The following FSHR variants were observed in gnomAD, a reference collection of about 807,000 sequenced individuals.
FSHR encodes follicle stimulating hormone receptor.
Under a neutral mutation model 52.1 loss-of-function variants are expected in FSHR, and 46 were observed. The observed-to-expected ratio is 0.88, with a 90% confidence interval of 0.70 to 1.13. The LOEUF is 1.13. Ranked by LOEUF, FSHR falls within the 50% of genes most tolerant of loss-of-function variation. The pLI, the probability that FSHR is intolerant of heterozygous loss-of-function variation, is 0.00. For synonymous variants in FSHR, 399 were observed against 309.6 expected (o/e 1.29, Z -3.03); for missense variants, 964 against 834.6 (o/e 1.16, Z -1.91).
chr2:49,068,567 C>G (rs200656126), intron 1 of FSHR, among the ~76,000 whole-genome samples: 1 of 152,028 alleles, frequency 6.6e-6, no homozygotes, highest in Non-Finnish European at 1.5e-5. Flanking sequence ...GAATATGAAC[C>G]TTGCTTGTTC....
Position 49,021,589 on chromosome 2 carries a change from GT to G in FSHR, c.225-1430del, listed in dbSNP as rs1214600892. Among the ~76,000 whole-genome samples the G allele has an allele frequency of 1.3e-4, 19 of 151,730 alleles. No individual in the cohort carries two copies. The East Asian group carries it at 3.7e-3, about 30-fold the overall frequency. ...CCCCTGGGGGAGGGGAAGTGTGACT[GT>G]GAGCAGCAGCAGTCTGCTGGTGCAT... On this transcript the variant is annotated intron_variant, in intron 2 of 9. Coordinates refer to ENST00000406846, the MANE Select transcript of FSHR (RefSeq NM_000145.4).
At chr2:49,136,965 G>A (rs1263808136) in intron 1 of FSHR, among the ~76,000 whole-genome samples, 3 of 152,086 alleles carry the variant, frequency 2.0e-5, no homozygotes, top group East Asian at 3.8e-4. Context: ...ACAACGATGT[G>A]CACTCCCACT....
intron 1 of FSHR, among the ~76,000 whole-genome samples, chr2:49,111,023 G>T (rs1350864680): frequency 2.6e-5 from 4 of 152,150 alleles, no homozygotes; most frequent in Non-Finnish European, 5.9e-5. Context: ...TGGAAAACTG[G>T]AGTCCTGCTT....
intron 8 of FSHR, among the ~76,000 whole-genome samples, chr2:48,974,163 A>T (rs1559083769): frequency 6.6e-6 from 1 of 152,204 alleles, no homozygotes; most frequent in Non-Finnish European, 1.5e-5. Flanking sequence ...CTTCTGCAGC[A>T]GGTAAGTATA....
chr2:49,087,772 T>C (rs763287050), intron 1 of FSHR, among the ~76,000 whole-genome samples: 95 of 152,358 alleles, frequency 6.2e-4, no homozygotes, highest in Admixed American at 6.5e-4. Flanking sequence ...TATCCTGTTA[T>C]GCATTTTCAA....
At chr2:49,099,544 G>T (rs961029512) in intron 1 of FSHR, among the ~76,000 whole-genome samples, 1 of 152,074 alleles carries the variant, frequency 6.6e-6, no homozygotes, top group Admixed American at 6.6e-5. Context: ...TGAAAATAGG[G>T]TGTTTGCAAA....
intron 8 of FSHR, among the ~76,000 whole-genome samples, chr2:48,977,550 A>C (rs1322710598): frequency 6.6e-6 from 1 of 152,158 alleles, no homozygotes; most frequent in African/African-American, 2.4e-5. Context: ...CTCCCACACT[A>C]TCACTTCACG....
At chr2:49,059,673 A>G (rs565332879) in intron 2 of FSHR, 1 of 152,606 alleles carries the variant, frequency 6.6e-6, no homozygotes, top group Admixed American at 6.5e-5. Flanking sequence ...TCAACCTAAC[A>G]GATGCCCCCT....
intron 2 of FSHR, among the ~76,000 whole-genome samples, chr2:49,067,474 T>A (rs1211625111): frequency 6.6e-6 from 1 of 152,154 alleles, no homozygotes; most frequent in East Asian, 1.9e-4. Context: ...ATTGCTATAC[T>A]TACTGGCATT....
Position 48,970,280 on chromosome 2 carries a change from A to G in FSHR, c.669-1397T>C, listed in dbSNP as rs556337057. ...TCACTTCCATTTCCCAAGCAAATTT[A>G]TACTAGTTGTTCATGCTTTTATTTC... On this transcript the variant is annotated intron_variant, in intron 8 of 9. Coordinates refer to ENST00000406846, the MANE Select transcript of FSHR (RefSeq NM_000145.4). Among the ~76,000 whole-genome samples, 9 of 152,272 alleles carry G rather than the reference A, an allele frequency of 5.9e-5. No individual in the cohort carries two copies. In the South Asian group the frequency reaches 1.7e-3, roughly 28 times the overall value.
intron 4 of FSHR, among the ~76,000 whole-genome samples, chr2:49,008,015 T>A (rs544718205): frequency 2.0e-3 from 305 of 152,138 alleles, no homozygotes; most frequent in African/African-American, 6.0e-3. Flanking sequence ...TTCTTTTTTT[T>A]AAATTTTTTT....
chr2:49,046,270 C>T (rs983049652), intron 2 of FSHR, among the ~76,000 whole-genome samples: 3 of 152,190 alleles, frequency 2.0e-5, no homozygotes, highest in Non-Finnish European at 4.4e-5. Context: ...TGTTTATGTA[C>T]GTCCTACTTC....
chr2:49,066,142 C>CA (rs1669494490), intron 2 of FSHR, among the ~76,000 whole-genome samples: 2 of 152,148 alleles, frequency 1.3e-5, no homozygotes, highest in Middle Eastern at 3.4e-3. Flanking sequence ...ACTCTTTCAA[C>CA]ACAGTGGTCT....
At chr2:49,051,108 A>G (rs1668841129) in intron 2 of FSHR, among the ~76,000 whole-genome samples, 1 of 152,130 alleles carries the variant, frequency 6.6e-6, no homozygotes, top group Non-Finnish European at 1.5e-5. Context: ...TTGTGTGGAT[A>G]TCATACCATT....
chr2:49,096,888 C>A (rs1394811385), intron 1 of FSHR, among the ~76,000 whole-genome samples: 1 of 152,120 alleles, frequency 6.6e-6, no homozygotes, highest in African/African-American at 2.4e-5. Flanking sequence ...CACTTTCTTG[C>A]TCCTGCTCTG....
intron 4 of FSHR, among the ~76,000 whole-genome samples, chr2:49,003,320 G>A (rs1376549066): frequency 1.3e-5 from 2 of 152,070 alleles, no homozygotes. Flanking sequence ...CCTGTATTCT[G>A]TGGGGACCTA....
At chr2:49,077,919 T>C (rs937049609) in intron 1 of FSHR, among the ~76,000 whole-genome samples, 1 of 152,204 alleles carries the variant, frequency 6.6e-6, no homozygotes, top group Non-Finnish European at 1.5e-5. Flanking sequence ...ACTATCAGCA[T>C]TTTTGTCAAA....
At position 48,979,022 on chromosome 2, in the gene FSHR, C is replaced by T. The variant is rs187458401; in HGVS notation, c.668+3890G>A. On this transcript the variant is annotated intron_variant, in intron 8 of 9. Transcript: ENST00000406846. ...ATTTTGGAGACTGAGCAAGGCTTCCCAATTCCCAATATTGGTCCTAGGGCA... is the reference window on the plus strand; with the variant it reads ...ATTTTGGAGACTGAGCAAGGCTTCCTAATTCCCAATATTGGTCCTAGGGCA... Among the ~76,000 whole-genome samples, 323 of 152,248 alleles carry T rather than the reference C, an allele frequency of 2.1e-3. 1 individual carries two copies. The highest frequency in any genetic ancestry group is 1.5e-3 in the Non-Finnish European group (99 of 68,030).
intron 2 of FSHR, among the ~76,000 whole-genome samples, chr2:49,057,947 G>C (rs1386593890): frequency 1.3e-5 from 2 of 152,090 alleles, no homozygotes; most frequent in Admixed American, 1.3e-4. Context: ...TATAGAAAAA[G>C]CATTTGGTAA....
Sources: allele counts gnomAD v4.1 joint callset (sites outside exome capture counted in the v4.1 genomes callset), GRCh38; gene constraint gnomAD v4.1.1; transcripts MANE v1.5; gene names NCBI Gene and HGNC (gene_info 2026-07-23, HGNC 2026-07-21).